Variants in SMOX observed in about 807,000 individuals in gnomAD.
The protein encoded by SMOX is flavin containing amine oxidase.
Under a neutral mutation model 51.0 loss-of-function variants are expected in SMOX, and 22 were observed. The ratio of observed to expected loss-of-function variants is 0.43; its 90% CI spans 0.31 to 0.62. The LOEUF (loss-of-function observed/expected upper bound fraction) is 0.62, where lower values mean the gene tolerates loss of function less well. Ranked by LOEUF, SMOX falls within the 20% of genes least tolerant of loss-of-function variation. The pLI is 0.10. For synonymous variants in SMOX, 282 were observed against 307.8 expected (o/e 0.92, Z 0.88); for missense variants, 566 against 777.7 (o/e 0.73, Z 3.24).
intron 1 of SMOX, among the ~76,000 whole-genome samples, chr20:4,156,139 T>C (rs1301152131): frequency 1.3e-5 from 2 of 152,164 alleles, no homozygotes; most frequent in African/African-American, 4.8e-5. Context: ...AGAATACATT[T>C]AAGAGAATTA....
At chr20:4,180,256 T>G (rs994150602) in intron 3 of SMOX, among the ~76,000 whole-genome samples, 2 of 152,190 alleles carry the variant, frequency 1.3e-5, no homozygotes, top group Non-Finnish European at 2.9e-5. Flanking sequence ...AGAGATAAGT[T>G]TAATTCATGT....
chr20:4,176,007 T>C (rs554377112), intron 2 of SMOX: 1 of 146,768 alleles, frequency 6.8e-6, no homozygotes, highest in Non-Finnish European at 1.5e-5. Context: ...GCTACATTGA[T>C]CCTCTAGAGG....
chr20:4,152,390 A>T (rs767440058), intron 1 of SMOX, among the ~76,000 whole-genome samples: 3 of 152,058 alleles, frequency 2.0e-5, no homozygotes, highest in Non-Finnish European at 4.4e-5. Context: ...TTCTACCCAC[A>T]GCTCTCCTGT....
Position 4,175,208 on chromosome 20 carries a change from C to T in SMOX, c.153C>T (p.Val51=), listed in dbSNP as rs1978743564. Residue 51 remains valine, a synonymous_variant, in exon 2 of 7, where the codon GTC becomes GTT. Coordinates refer to ENST00000305958, the MANE Select transcript of SMOX (RefSeq NM_175839.3). The part of the protein sequence containing the change: ...KALLEQGFTD[V]TVLEASSHIG... ...TTCTTGAGCAGGGTTTCACGGATGT[C>T]ACTGTGCTTGAGGCTTCCAGCCACA... 1 of 1,614,074 alleles carries T rather than the reference C, an allele frequency of 6.2e-7. No homozygotes were observed. Among genetic ancestry groups the T allele is most frequent in the South Asian group, 1.1e-5 (1 of 91,070 alleles).
At chr20:4,165,006 T>C (rs1986495883) in intron 1 of SMOX, among the ~76,000 whole-genome samples, 1 of 149,592 alleles carries the variant, frequency 6.7e-6, no homozygotes, top group Non-Finnish European at 1.5e-5. Flanking sequence ...GCCTTTGGAG[T>C]AGCTGGGACT....
Position 4,170,644 on chromosome 20 carries a change from C to T in SMOX, c.-26-4386C>T, listed in dbSNP as rs991745706. On this transcript the variant is annotated intron_variant, in intron 1 of 6. Transcript: ENST00000305958. The surrounding 1 kb of genome is among the most constrained non-coding windows in gnomAD (Gnocchi z 4.6). ...GCAGTTCACACAAACTTTGGTGGCT[C>T]GTGCCCACTCTGGTCACCTGACCTC... 4.6e-5 allele frequency among the ~76,000 whole-genome samples: 7 copies of T among 152,122 alleles called. No individual in the cohort carries two copies. The highest frequency in any genetic ancestry group is 8.8e-5 in the Non-Finnish European group (6 of 68,018).
chr20:4,152,915 A>C (rs747512942), intron 1 of SMOX, among the ~76,000 whole-genome samples: 3 of 152,238 alleles, frequency 2.0e-5, no homozygotes, highest in Non-Finnish European at 4.4e-5. Context: ...TAACAGAGTA[A>C]GGATTGAATC....
chr20:4,180,784 A>C (rs1979262456), intron 3 of SMOX, among the ~76,000 whole-genome samples: 1 of 151,014 alleles, frequency 6.6e-6, no homozygotes, highest in East Asian at 1.9e-4. Context: ...TTTCCTCTCC[A>C]CCCTGGCTGT....
intron 6 of SMOX, chr20:4,186,618 G>A (rs1979755060): frequency 3.0e-6 from 2 of 676,718 alleles, no homozygotes; most frequent in Admixed American, 2.2e-5. Flanking sequence ...TGTCCTCTGG[G>A]AAGCTTTGTG....
chr20:4,173,927 C>A (rs567022438), intron 1 of SMOX, among the ~76,000 whole-genome samples: 1 of 152,288 alleles, frequency 6.6e-6, no homozygotes, highest in Admixed American at 6.5e-5. Flanking sequence ...CCCCCTTGGC[C>A]TCCCAGCCAT....
rs1460983335 is a variant in SMOX, at chr20:4,166,416, T to G, written c.-26-8614T>G. On this transcript the variant is annotated intron_variant, in intron 1 of 6. Transcript: ENST00000305958. The surrounding 1 kb of genome is among the most constrained non-coding windows in gnomAD (Gnocchi z 4.2). The stretch of plus-strand genomic sequence containing the variant: ...AGGCTGGAGTGCAGTGGTGTGATCA[T>G]GGTTCACTGTAGCCTCGACTTCCTA... 6.6e-6 allele frequency among the ~76,000 whole-genome samples: 1 copy of G among 152,146 alleles called. No individual in the cohort carries two copies. Among genetic ancestry groups the G allele is most frequent in the Non-Finnish European group, 1.5e-5 (1 of 67,998 alleles).
At position 4,149,508 on chromosome 20, in the gene SMOX, G is replaced by C. The variant is rs1260775097; in HGVS notation, c.-27+531G>C. ...CCCTCTGGGCTCCGGGCGTCCGGGT[G>C]GTCCCCTTGGGGCCCCGGGCAGGGT... On this transcript the variant is annotated intron_variant, in intron 1 of 6. Transcript: ENST00000305958. The surrounding 1 kb of genome is among the most constrained non-coding windows in gnomAD (Gnocchi z 6.0). 6.6e-6 allele frequency among the ~76,000 whole-genome samples: 1 copy of C among 152,120 alleles called. No individual in the cohort carries two copies. The highest frequency in any genetic ancestry group is 2.4e-5 in the African/African-American group (1 of 41,442).
intron 1 of SMOX, among the ~76,000 whole-genome samples, chr20:4,173,912 G>A (rs56031690): frequency 0.046 from 6,979 of 152,330 alleles, 192 homozygotes; most frequent in African/African-American, 0.078. Flanking sequence ...GGCCAGATTT[G>A]GGGACCCCCT....
In SMOX at chr20:4,170,616, G is replaced by A. The variant is rs1986783308; in HGVS notation, c.-26-4414G>A. Among the ~76,000 whole-genome samples the A allele has an allele frequency of 6.6e-6, 1 of 152,190 alleles. No individual in the cohort carries two copies. Among genetic ancestry groups the A allele is most frequent in the Non-Finnish European group, 1.5e-5 (1 of 68,034 alleles). On this transcript the variant is annotated intron_variant, in intron 1 of 6. Transcript: ENST00000305958. This position sits in a 1 kb window ranked among gnomAD's most constrained non-coding sequence, Gnocchi z 4.6. ...GATGTTCCAGGGATGGGATGAAGAAGTGGCAGTTCACACAAACTTTGGTGG... is the reference window on the plus strand; with the variant it reads ...GATGTTCCAGGGATGGGATGAAGAAATGGCAGTTCACACAAACTTTGGTGG...
chr20:4,178,723 G>A (rs1243408926), intron 3 of SMOX, among the ~76,000 whole-genome samples: 1 of 138,826 alleles, frequency 7.2e-6, no homozygotes, highest in Admixed American at 7.7e-5. Context: ...CGCTCTTGTT[G>A]TCCAGGCTAG....
Position 4,182,393 on chromosome 20 carries a change from G to A in SMOX, c.914G>A (p.Trp305Ter). The change falls in exon 5 of 7, where the codon TGG (tryptophan) becomes TAG (stop). Residue 305 changes from tryptophan to a stop codon, truncating the protein, a stop_gained. Transcript: ENST00000305958. LOFTEE classifies it high-confidence loss of function. The surrounding 1 kb of genome is among the most constrained non-coding windows in gnomAD (Gnocchi z 8.4). ...QGGEEPRGGRWDEDEQWSVVV... is the reference protein window; with the variant it reads ...QGGEEPRGGR ...GGAGAGGAGCCCCGGGGGGGCAGGT[G>A]GGATGAGGATGAGCAGTGGTCGGTG... The A allele has an allele frequency of 6.3e-7, 1 of 1,599,962 alleles. No homozygotes were observed. Among genetic ancestry groups the A allele is most frequent in the Non-Finnish European group, 8.5e-7 (1 of 1,172,180 alleles).
At chr20:4,155,340 C>T (rs1482162629) in intron 1 of SMOX, among the ~76,000 whole-genome samples, 1 of 152,122 alleles carries the variant, frequency 6.6e-6, no homozygotes, top group African/African-American at 2.4e-5. Flanking sequence ...ACGTGAGCTG[C>T]TGTCACTGAT....
At position 4,187,397 on chromosome 20, in the gene SMOX, AG is replaced by A; in HGVS notation, c.1662del (p.Thr555ProfsTer8). 6.2e-7 allele frequency: 1 copy of A among 1,613,850 alleles called. No homozygotes were observed. On this transcript the variant is annotated frameshift_variant, in exon 7 of 7. Coordinates refer to ENST00000305958, the MANE Select transcript of SMOX (RefSeq NM_175839.3). LOFTEE classifies it high-confidence loss of function. This position sits in a 1 kb window ranked among gnomAD's most constrained non-coding sequence, Gnocchi z 4.8. ...LIEMYRDLFQQGT is the reference protein window; with the variant it reads ...LIEMYRDLFQXGT Reference sequence around the variant, plus strand: ...GAGATGTACCGAGACCTCTTCCAGCAGGGGACCTGAGGGCTGTCCTCGCTGC... The same window carrying A: ...GAGATGTACCGAGACCTCTTCCAGCAGGGACCTGAGGGCTGTCCTCGCTGC...
At position 4,158,393 on chromosome 20, in the gene SMOX, T is replaced by C. The variant is rs574631680; in HGVS notation, c.-27+9416T>C. 1.1e-3 allele frequency among the ~76,000 whole-genome samples: 160 copies of C among 152,232 alleles called. 2 individuals are homozygous for C. In the South Asian group the frequency reaches 0.022, roughly 21 times the overall value. On this transcript the variant is annotated intron_variant, in intron 1 of 6. Coordinates refer to ENST00000305958, the MANE Select transcript of SMOX (RefSeq NM_175839.3). Reference sequence around the variant, plus strand: ...ATGTAGGAGCCCAGTGCTCTCTAAATCTGGGGCTGGGAGGTTGGAGGATGA... The same window carrying C: ...ATGTAGGAGCCCAGTGCTCTCTAAACCTGGGGCTGGGAGGTTGGAGGATGA...
Sources: gnomAD v4.1 joint callset for allele counts (sites outside exome capture counted in the v4.1 genomes callset) on GRCh38, gnomAD v4.1.1 for gene constraint, Gnocchi (gnomAD v3.1) non-coding constraint, MANE v1.5 for transcripts, NCBI Gene and HGNC (gene_info 2026-07-23, HGNC 2026-07-21) for gene names.